JAKMIP2: variants seen among roughly 807,000 people sequenced by gnomAD.
JAKMIP2 encodes janus kinase and microtubule interacting protein 2, also known as janus kinase and microtubule-interacting protein 2.
A neutral mutation model predicts 115.0 loss-of-function variants in JAKMIP2; 25 were observed. The ratio of observed to expected loss-of-function variants is 0.22; its 90% CI spans 0.16 to 0.30. JAKMIP2 has a LOEUF of 0.30. Among genes scored for constraint, JAKMIP2 ranks in the 10% least tolerant of loss-of-function variants. The pLI, the probability that JAKMIP2 is intolerant of heterozygous loss-of-function variation, is 1.00. For missense variants in JAKMIP2, 642 were observed against 957.6 expected (o/e 0.67, Z 4.35); for synonymous variants, 334 against 343.6 (o/e 0.97, Z 0.31).
intron 1 of JAKMIP2, among the ~76,000 whole-genome samples, chr5:147,702,607 A>AGAAAGAAAGAAAGAAG (rs1752393064): frequency 6.0e-5 from 1 of 16,764 alleles, no homozygotes; most frequent in Non-Finnish European, 1.7e-4. Flanking sequence ...AAAGAAGGAA[A>AGAAAGAAAGAAAGAAG]GAAAGAAAGA....
At chr5:147,676,493 T>A (rs368652519) in intron 1 of JAKMIP2, among the ~76,000 whole-genome samples, 203 of 152,252 alleles carry the variant, frequency 1.3e-3, no homozygotes, top group African/African-American at 4.7e-3. Context: ...TAAGGGCCAA[T>A]CTCTACAGGA....
In JAKMIP2 at chr5:147,700,296, C is replaced by G. The variant is rs182480448; in HGVS notation, c.-148-28342G>C. Among the ~76,000 whole-genome samples the G allele has an allele frequency of 4.6e-3, 702 of 151,584 alleles. 13 individuals are homozygous for G. The highest frequency in any genetic ancestry group is 0.016 in the African/African-American group (665 of 41,320). On this transcript the variant is annotated intron_variant, in intron 1 of 21. Coordinates refer to ENST00000616793, the MANE Select transcript of JAKMIP2 (RefSeq NM_001270941.2). ...TAGTGGCTATAAAAATAAATCAAACCTTTAGGATGGAGAAAAATAATTATA... is the reference window on the plus strand; with the variant it reads ...TAGTGGCTATAAAAATAAATCAAACGTTTAGGATGGAGAAAAATAATTATA...
At chr5:147,597,248 A>G (rs1755444044) in intron 21 of JAKMIP2, among the ~76,000 whole-genome samples, 1 of 152,130 alleles carries the variant, frequency 6.6e-6, no homozygotes, top group African/African-American at 2.4e-5. Context: ...TGTTTTCCCC[A>G]GGCTACCTGA....
chr5:147,757,703 C>A lies in JAKMIP2; in HGVS notation c.-149+24753G>T, dbSNP rs144231854. 5.4e-3 allele frequency among the ~76,000 whole-genome samples: 821 copies of A among 152,188 alleles called. 5 individuals are homozygous for A. Among genetic ancestry groups the A allele is most frequent in the African/African-American group, 0.019 (783 of 41,546 alleles). The stretch of plus-strand genomic sequence containing the variant: ...AGATAATGCGTGTGGACATTTAGCA[C>A]AGTATCAGACATGGTAAGAATTTAA... On this transcript the variant is annotated intron_variant, in intron 1 of 21. Transcript: ENST00000616793.
In JAKMIP2 at chr5:147,737,043, A is replaced by C. The variant is rs1246734675; in HGVS notation, c.-149+45413T>G. Among the ~76,000 whole-genome samples the C allele has an allele frequency of 2.0e-5, 3 of 152,184 alleles. No homozygotes were observed. In the South Asian group the frequency reaches 6.2e-4, roughly 32 times the overall value. ...TTCAAGAACACAAATTTAGAGAAAA[A>C]AGCCAGAATATTTCCAGAAATATTT... On this transcript the variant is annotated intron_variant, in intron 1 of 21. Transcript: ENST00000616793.
At position 147,641,713 on chromosome 5, in the gene JAKMIP2, T is replaced by C. The variant is rs1757888533; in HGVS notation, c.1276A>G (p.Ile426Val). The change falls in exon 8 of 22, where the codon ATT (isoleucine) becomes GTT (valine). Residue 426 changes from isoleucine to valine, a missense_variant. Physicochemically the swap from Ile to Val is conservative, Grantham distance 29. Transcript: ENST00000616793. ...RRKHRRSSKP[I>V]KRPVLDPFIG... ...TAACTTTGATTTCTTATTACCTTAA[T>C]TGGCTTGGAACTTCTTCTATGCTTT... The C allele has an allele frequency of 1.2e-6, 2 of 1,611,720 alleles. No individual in the cohort carries two copies. The highest frequency in any genetic ancestry group is 2.2e-5 in the East Asian group (1 of 44,846).
intron 1 of JAKMIP2, among the ~76,000 whole-genome samples, chr5:147,755,690 C>G (rs1754720548): frequency 6.6e-6 from 1 of 152,038 alleles, no homozygotes; most frequent in Non-Finnish European, 1.5e-5. Flanking sequence ...GTTGCCTAGG[C>G]TGGAGTGCAG....
chr5:147,595,847 C>T (rs1755359195), intron 21 of JAKMIP2, among the ~76,000 whole-genome samples: 1 of 152,080 alleles, frequency 6.6e-6, no homozygotes, highest in African/African-American at 2.4e-5. Flanking sequence ...TGGTCATTAT[C>T]TGCATCAAGC....
chr5:147,737,684 C>T (rs1287650844), intron 1 of JAKMIP2, among the ~76,000 whole-genome samples: 1 of 152,110 alleles, frequency 6.6e-6, no homozygotes, highest in Admixed American at 6.6e-5. Flanking sequence ...TGCAATATAT[C>T]GATATACTTA....
chr5:147,628,755 TC>T lies in JAKMIP2; in HGVS notation c.1990del (p.Glu664ArgfsTer18). On this transcript the variant is annotated frameshift_variant, in exon 16 of 22. Transcript: ENST00000616793. LOFTEE classifies it high-confidence loss of function. ...AATGTTTGTACGGCTCATTACCTTCTCTGCCAGGGACAGCACAGTGCTGGCC... is the reference window on the plus strand; with the variant it reads ...AATGTTTGTACGGCTCATTACCTTCTTGCCAGGGACAGCACAGTGCTGGCC... ...IQASTVLSLA[E>X]KWIQQIEGAE... 6.2e-7 allele frequency: 1 copy of T among 1,612,208 alleles called. No homozygotes were observed. Among genetic ancestry groups the T allele is most frequent in the East Asian group, 2.2e-5 (1 of 44,850 alleles).
chr5:147,692,737 G>A (rs1247468089), intron 1 of JAKMIP2, among the ~76,000 whole-genome samples: 1 of 152,150 alleles, frequency 6.6e-6, no homozygotes, highest in African/African-American at 2.4e-5. Flanking sequence ...TTGACCTGGG[G>A]ACATGCGGAA....
chr5:147,720,803 C>T (rs1447197677), intron 1 of JAKMIP2, among the ~76,000 whole-genome samples: 42 of 151,446 alleles, frequency 2.8e-4, no homozygotes, highest in Non-Finnish European at 4.6e-4. Context: ...AATGTCCTCC[C>T]GTAGCTCAGA....
At chr5:147,667,708 C>CAAAATTGGATTTTT in intron 2 of JAKMIP2, among the ~76,000 whole-genome samples, 1 of 152,260 alleles carries the variant, frequency 6.6e-6, no homozygotes, top group Admixed American at 6.5e-5. Context: ...CAATCCAGTG[C>CAAAATTGGATTTTT]AAAGGATCCT....
At chr5:147,678,715 T>C (rs374275385) in intron 1 of JAKMIP2, among the ~76,000 whole-genome samples, 15 of 152,244 alleles carry the variant, frequency 9.9e-5, no homozygotes, top group East Asian at 9.7e-4. Context: ...CTTGAGGGGA[T>C]AGATATCCCA....
intron 18 of JAKMIP2, among the ~76,000 whole-genome samples, chr5:147,619,744 C>A (rs951126068): frequency 5.3e-5 from 8 of 152,030 alleles, no homozygotes; most frequent in Non-Finnish European, 1.0e-4. Flanking sequence ...AAAGGCACAG[C>A]CCATTTACCA....
At chr5:147,616,483 T>G (rs1035709303) in intron 19 of JAKMIP2, among the ~76,000 whole-genome samples, 1 of 152,250 alleles carries the variant, frequency 6.6e-6, no homozygotes, top group Admixed American at 6.5e-5. Context: ...AATACAGTTT[T>G]TATCATAAAT....
chr5:147,621,061 A>T (rs1047107891), intron 17 of JAKMIP2, among the ~76,000 whole-genome samples: 3 of 152,260 alleles, frequency 2.0e-5, no homozygotes, highest in Admixed American at 1.3e-4. Flanking sequence ...ATGTAAAAGT[A>T]TTATGATAAT....
chr5:147,702,603 GGAAAGAAAGAAAGAAAGAAA>G (rs67153684), intron 1 of JAKMIP2, among the ~76,000 whole-genome samples: 1,677 of 91,710 alleles, frequency 0.018, 12 homozygotes, highest in East Asian at 0.028. Flanking sequence ...AAAGAAAGAA[GGAAAGAAAGAAAGAAAGAAA>G]GAAAGAAAGA....
chr5:147,640,822 C>T lies in JAKMIP2; in HGVS notation c.1283G>A (p.Arg428Lys). 1 of 1,610,996 alleles carries T rather than the reference C, an allele frequency of 6.2e-7. No homozygotes were observed. The highest frequency in any genetic ancestry group is 1.1e-5 in the South Asian group (1 of 90,376). ...GCCAATAAACGGGTCCAAAACAGGC[C>T]TCTAAATGGAGGGAAAGTACCTATT... The part of the protein sequence containing the change: ...KHRRSSKPIK[R>K]PVLDPFIGYD... The change falls in exon 9 of 22, where the codon AGG becomes AAG. Residue 428 changes from arginine to lysine, a missense_variant and splice_region_variant. By Grantham distance (26) the Arg-to-Lys change is conservative. Transcript: ENST00000616793.
Sources: gnomAD v4.1 joint callset for allele counts (sites outside exome capture counted in the v4.1 genomes callset) on GRCh38, gnomAD v4.1.1 for gene constraint, MANE v1.5 for transcripts, NCBI Gene and HGNC (gene_info 2026-07-23, HGNC 2026-07-21) for gene names.